Variants in GPC5 observed in about 807,000 individuals in gnomAD.
The protein encoded by GPC5 is glypican 5.
In GPC5, 47 loss-of-function variants were observed where a neutral mutation model predicts 53.9. The ratio of observed to expected loss-of-function variants is 0.87; its 90% confidence interval spans 0.69 to 1.11. The LOEUF (loss-of-function observed/expected upper bound fraction) is 1.11, where lower values mean the gene tolerates loss of function less well. GPC5 is among the 50% of genes most tolerant of loss of function. GPC5 has a pLI of 0.00. For missense variants in GPC5, 748 were observed against 713.1 expected (o/e 1.05, Z -0.56); for synonymous variants, 286 against 263.3 (o/e 1.09, Z -0.84).
intron 4 of GPC5, among the ~76,000 whole-genome samples, chr13:91,742,365 G>T (rs1405562657): frequency 6.6e-6 from 1 of 152,206 alleles, no homozygotes; most frequent in East Asian, 1.9e-4. Context: ...TTGTTGCATT[G>T]AAAAGTACTT....
chr13:92,244,775 C>G (rs570119170), intron 7 of GPC5, among the ~76,000 whole-genome samples: 2 of 152,048 alleles, frequency 1.3e-5, no homozygotes, highest in Non-Finnish European at 2.9e-5. Context: ...CGCAATGGCT[C>G]ATGCCTGTAA....
chr13:92,543,249 C>T (rs553037922), intron 7 of GPC5, among the ~76,000 whole-genome samples: 2 of 152,066 alleles, frequency 1.3e-5, no homozygotes, highest in East Asian at 1.9e-4. Context: ...TCTGCTTGAT[C>T]TAGTCTTTTA....
intron 7 of GPC5, among the ~76,000 whole-genome samples, chr13:92,527,360 G>A (rs1473554316): frequency 6.6e-6 from 1 of 152,054 alleles, no homozygotes; most frequent in African/African-American, 2.4e-5. Context: ...GGAGGAAAAG[G>A]CAAGCAGCAT....
intron 7 of GPC5, among the ~76,000 whole-genome samples, chr13:92,765,513 C>G (rs1875367001): frequency 6.6e-6 from 1 of 152,168 alleles, no homozygotes; most frequent in African/African-American, 2.4e-5. Flanking sequence ...TGATACCTTA[C>G]AGGTGTGACA....
intron 6 of GPC5, among the ~76,000 whole-genome samples, chr13:91,939,148 A>G (rs995085352): frequency 2.6e-5 from 4 of 152,060 alleles, no homozygotes; most frequent in African/African-American, 9.7e-5. Context: ...GAAAAAAATT[A>G]CAAATAGAAG....
chr13:92,154,327 A>G (rs1172345810), intron 7 of GPC5, among the ~76,000 whole-genome samples: 1 of 152,088 alleles, frequency 6.6e-6, no homozygotes, highest in East Asian at 1.9e-4. Flanking sequence ...TGAGATTCCA[A>G]CCTCCAAACT....
chr13:91,907,503 T>TTATATATATATATATA lies in GPC5; in HGVS notation c.1281-427_1281-412dup, dbSNP rs369447673. Among the ~76,000 whole-genome samples the TTATATATATATATATA allele has an allele frequency of 1.1e-3, 140 of 129,526 alleles. 1 individual carries two copies. The highest frequency in any genetic ancestry group is 3.2e-3 in the African/African-American group (107 of 33,852). The allele number at this position is 129,526 out of a possible 152,430, so 85.0% of individuals were successfully genotyped here. A position where few individuals can be genotyped will look rare whatever the true frequency, so the allele number is the denominator to read the frequency against. On this transcript the variant is annotated intron_variant, in intron 5 of 7. Transcript: ENST00000377067. ...GGCTACTCTCTCTCTCTCTCTCTCT[T>TTATATATATATATATA]TATATATATATATATATATATAGTA... is the stretch of plus-strand genomic sequence containing the variant.
At chr13:92,726,800 G>A (rs1481740057) in intron 7 of GPC5, among the ~76,000 whole-genome samples, 1 of 151,418 alleles carries the variant, frequency 6.6e-6, no homozygotes, top group Non-Finnish European at 1.5e-5. Flanking sequence ...AGTCAATATG[G>A]CCAAGGAAAA....
intron 7 of GPC5, among the ~76,000 whole-genome samples, chr13:92,657,985 T>C (rs1223797623): frequency 2.0e-5 from 3 of 152,178 alleles, no homozygotes; most frequent in African/African-American, 7.2e-5. Flanking sequence ...TTTTCTTGTT[T>C]TGAAAACTCT....
intron 6 of GPC5, among the ~76,000 whole-genome samples, chr13:92,144,002 C>T (rs1351528517): frequency 6.6e-6 from 1 of 152,094 alleles, no homozygotes; most frequent in African/African-American, 2.4e-5. Flanking sequence ...TCTCCAAAAC[C>T]ACCTTAGAGG....
chr13:92,585,334 G>A (rs930458390), intron 7 of GPC5, among the ~76,000 whole-genome samples: 1 of 152,248 alleles, frequency 6.6e-6, no homozygotes, highest in Non-Finnish European at 1.5e-5. Flanking sequence ...GAGACATGGA[G>A]TCAAAGGAGA....
chr13:91,875,862 AAC>A (rs1448630611), intron 5 of GPC5, among the ~76,000 whole-genome samples: 4 of 152,210 alleles, frequency 2.6e-5, no homozygotes, highest in Non-Finnish European at 5.9e-5. Context: ...ATATTGGCAT[AAC>A]ACAATTAACT....
chr13:92,070,103 T>A (rs1470458234), intron 6 of GPC5, among the ~76,000 whole-genome samples: 2 of 152,124 alleles, frequency 1.3e-5, no homozygotes, highest in Non-Finnish European at 2.9e-5. Flanking sequence ...ATTTGAAATG[T>A]TAGCGCTGCT....
intron 7 of GPC5, among the ~76,000 whole-genome samples, chr13:92,840,952 G>A (rs1411666202): frequency 2.0e-5 from 3 of 152,114 alleles, no homozygotes; most frequent in South Asian, 4.1e-4. Flanking sequence ...AGCTGATTTT[G>A]TCTGTCCTGT....
At chr13:92,367,716 A>C (rs773759925) in intron 7 of GPC5, among the ~76,000 whole-genome samples, 8 of 152,226 alleles carry the variant, frequency 5.3e-5, no homozygotes, top group Non-Finnish European at 8.8e-5. Context: ...GTGAAGAAGT[A>C]AAAGATTTAA....
intron 7 of GPC5, among the ~76,000 whole-genome samples, chr13:92,693,079 T>G (rs1887460719): frequency 6.6e-6 from 1 of 152,104 alleles, no homozygotes; most frequent in East Asian, 1.9e-4. Flanking sequence ...ATGTAAGACA[T>G]GGGCCTTGAT....
chr13:92,810,419 A>AT (rs1877252415), intron 7 of GPC5, among the ~76,000 whole-genome samples: 1 of 151,872 alleles, frequency 6.6e-6, no homozygotes, highest in African/African-American at 2.4e-5. Flanking sequence ...CCAGAAAATG[A>AT]TTTTTTCCTG....
chr13:91,991,566 T>TTC (rs528628695), intron 6 of GPC5, among the ~76,000 whole-genome samples: 115 of 152,026 alleles, frequency 7.6e-4, no homozygotes, highest in African/African-American at 2.7e-3. Flanking sequence ...AATTTTTTTT[T>TTC]TCTCTCTCTC....
intron 6 of GPC5, among the ~76,000 whole-genome samples, chr13:91,913,234 A>G (rs1414989395): frequency 1.3e-5 from 2 of 152,080 alleles, no homozygotes; most frequent in East Asian, 3.9e-4. Flanking sequence ...CCCCATGCCT[A>G]CTAAAAATAC....
Sources: gnomAD v4.1 joint callset for allele counts (sites outside exome capture counted in the v4.1 genomes callset) on GRCh38, gnomAD v4.1.1 for gene constraint, MANE v1.5 for transcripts, NCBI Gene and HGNC (gene_info 2026-07-23, HGNC 2026-07-21) for gene names.